Variants in MAST2 observed in about 807,000 individuals in gnomAD.
MAST2 encodes the protein microtubule associated serine/threonine kinase 2.
MAST2 carries 70 observed loss-of-function variants against 147.4 expected under a neutral mutation model. The observed-to-expected ratio is 0.47, with a 90% CI of 0.39 to 0.58. MAST2 has a LOEUF of 0.58. MAST2 is among the 20% of genes least tolerant of loss of function. The pLI is 0.00. For missense variants in MAST2, 2,080 were observed against 2,302.3 expected, an observed-to-expected ratio of 0.90 and a Z score of 1.98; for synonymous variants, 869 against 896.8, an observed-to-expected ratio of 0.97 and a Z score of 0.55.
At chr1:45,929,430 A>G (rs1042170349) in intron 4 of MAST2, among the ~76,000 whole-genome samples, 11 of 152,164 alleles carry the variant, frequency 7.2e-5, no homozygotes, top group African/African-American at 1.2e-4. Flanking sequence ...TGCCATTTAC[A>G]TAGCTAACTG....
At chr1:46,033,291 T>A (rs1213305259) in intron 26 of MAST2, among the ~76,000 whole-genome samples, 1 of 148,950 alleles carries the variant, frequency 6.7e-6, no homozygotes, top group Non-Finnish European at 1.5e-5. Context: ...AAAAAAAAAT[T>A]AGCCGAGTGT....
At chr1:45,839,087 T>C (rs1005585790) in intron 3 of MAST2, among the ~76,000 whole-genome samples, 1 of 149,694 alleles carries the variant, frequency 6.7e-6, no homozygotes, top group African/African-American at 2.5e-5. Context: ...GATCCTCCCA[T>C]GTCAGCCTCC....
chr1:45,952,146 A>G (rs1298698261), intron 4 of MAST2, among the ~76,000 whole-genome samples: 3 of 152,384 alleles, frequency 2.0e-5, no homozygotes, highest in Non-Finnish European at 4.4e-5. Context: ...AGCAGCATCT[A>G]TGATAACCAA....
intron 4 of MAST2, among the ~76,000 whole-genome samples, chr1:45,939,401 T>TTG (rs1656793527): frequency 6.6e-6 from 1 of 152,216 alleles, no homozygotes; most frequent in Non-Finnish European, 1.5e-5. Context: ...CACACTATCT[T>TTG]TGTTTAATGT....
chr1:45,867,094 A>G (rs1646187116), intron 3 of MAST2, among the ~76,000 whole-genome samples: 2 of 152,220 alleles, frequency 1.3e-5, no homozygotes, highest in African/African-American at 4.8e-5. Context: ...TTCATTCTCC[A>G]GAAGATTGCT....
At chr1:46,010,993 G>A (rs909153482) in intron 10 of MAST2, 54 bp downstream of exon 10, 19 of 1,459,010 alleles carry the variant, frequency 1.3e-5, no homozygotes, top group Admixed American at 3.4e-5. Flanking sequence ...TATTGGATTT[G>A]TAATCCCAAG....
chr1:45,872,278 C>G (rs1336941124), intron 3 of MAST2, among the ~76,000 whole-genome samples: 2 of 152,190 alleles, frequency 1.3e-5, no homozygotes, highest in Non-Finnish European at 2.9e-5. Context: ...GTCATCTCCA[C>G]GCTGGTGACT....
At chr1:46,027,918 G>A (rs922058259) in intron 17 of MAST2, 55 bp downstream of exon 17, 18 of 1,601,248 alleles carry the variant, frequency 1.1e-5, no homozygotes, top group Middle Eastern at 1.7e-4. Flanking sequence ...TTGTCCTGGC[G>A]CAGTGTCTTA....
chr1:45,812,953 C>T (rs1480059291), intron 1 of MAST2, among the ~76,000 whole-genome samples: 3 of 152,108 alleles, frequency 2.0e-5, no homozygotes, highest in Non-Finnish European at 4.4e-5. Flanking sequence ...CCCCTCAGGT[C>T]TGTTTGCTGC....
chr1:45,951,372 C>G (rs1658908524), intron 4 of MAST2, among the ~76,000 whole-genome samples: 1 of 152,182 alleles, frequency 6.6e-6, no homozygotes, highest in Non-Finnish European at 1.5e-5. Context: ...CACTTGAGCC[C>G]AGGAGTTCAA....
chr1:45,977,412 C>T (rs1474369950), intron 5 of MAST2, among the ~76,000 whole-genome samples: 1 of 151,852 alleles, frequency 6.6e-6, no homozygotes, highest in Non-Finnish European at 1.5e-5. Context: ...GGGTTGAACC[C>T]GGGAGGTGGA....
At position 46,032,168 on chromosome 1, in the gene MAST2, C is replaced by T. The variant is rs183290788; in HGVS notation, c.3188-10C>T. On this transcript the variant is annotated splice_polypyrimidine_tract_variant and intron_variant, in intron 24 of 28. Coordinates refer to ENST00000361297, the MANE Select transcript of MAST2 (RefSeq NM_015112.3). ...TCTGACCCACTAAGTCCTGGCTTCT[C>T]CTTCTCCAGAACACCACACCTGCTC... is the stretch of plus-strand genomic sequence containing the variant. The T allele has an allele frequency of 8.9e-5, 143 of 1,612,070 alleles. No homozygotes were observed. The African/African-American group carries it at 1.6e-3, about 18-fold the overall frequency.
chr1:45,955,956 C>G (rs1659599313), intron 4 of MAST2, among the ~76,000 whole-genome samples: 1 of 152,142 alleles, frequency 6.6e-6, no homozygotes, highest in Admixed American at 6.5e-5. Context: ...TGATAATGAA[C>G]ATGAAGATAA....
chr1:46,031,200 G>T lies in MAST2; in HGVS notation c.2902G>T (p.Gly968Trp), dbSNP rs755002864. ...IWVLTPPSGE[G>W]VSGPVTEHSG... ...GGTCCTGACACCCCCATCTGGAGAG[G>T]GGGTATCTGGGCCTGTCACTGAACA... The change falls in exon 23 of 29, where the codon GGG becomes TGG. Residue 968 changes from glycine to tryptophan, a missense_variant. Physicochemically the swap from Gly to Trp is radical, Grantham distance 184. Transcript: ENST00000361297. The surrounding 1 kb of genome is among the most constrained non-coding windows in gnomAD (Gnocchi z 4.1). The T allele has an allele frequency of 5.1e-6, 8 of 1,565,756 alleles. No individual in the cohort carries two copies. Among genetic ancestry groups the T allele is most frequent in the South Asian group, 3.5e-5 (3 of 84,982 alleles).
At chr1:46,018,237 T>G (rs567060633) in intron 10 of MAST2, among the ~76,000 whole-genome samples, 58 of 152,096 alleles carry the variant, frequency 3.8e-4, no homozygotes, top group Admixed American at 2.5e-3. Flanking sequence ...TCCTCCACTC[T>G]CTCTCTGATG....
chr1:45,866,147 G>A (rs1390636181), intron 3 of MAST2, among the ~76,000 whole-genome samples: 1 of 152,152 alleles, frequency 6.6e-6, no homozygotes, highest in Non-Finnish European at 1.5e-5. Flanking sequence ...TAAACAAATT[G>A]TATTGTTTCT....
chr1:45,954,529 G>A (rs1659384175), intron 4 of MAST2, among the ~76,000 whole-genome samples: 1 of 152,128 alleles, frequency 6.6e-6, no homozygotes, highest in Admixed American at 6.6e-5. Flanking sequence ...GTAGCTCCGG[G>A]GGCTTCCAGG....
chr1:45,855,692 G>A (rs1381582493), intron 3 of MAST2, among the ~76,000 whole-genome samples: 2 of 151,924 alleles, frequency 1.3e-5, no homozygotes, highest in Non-Finnish European at 2.9e-5. Flanking sequence ...GTTGGTTTTC[G>A]TGTGCCGATC....
At chr1:45,860,780 C>T (rs1191972038) in intron 3 of MAST2, among the ~76,000 whole-genome samples, 2 of 151,922 alleles carry the variant, frequency 1.3e-5, no homozygotes, top group Non-Finnish European at 2.9e-5. Flanking sequence ...TGTAGTGAGC[C>T]GAGATCATGC....
Sources: allele counts gnomAD v4.1 joint callset (sites outside exome capture counted in the v4.1 genomes callset), GRCh38; gene constraint gnomAD v4.1.1; non-coding constraint Gnocchi (gnomAD v3.1); transcripts MANE v1.5; gene names NCBI Gene and HGNC (gene_info 2026-07-23, HGNC 2026-07-21).